APPL1: variants seen among roughly 807,000 people sequenced by gnomAD.
The protein encoded by APPL1 is DCC-interacting protein 13-alpha.
APPL1 carries 42 observed loss-of-function variants against 106.8 expected under a neutral mutation model. That is an observed-to-expected ratio of 0.39 (90% CI 0.31 to 0.51). APPL1 has a LOEUF of 0.51. Ranked by LOEUF, APPL1 falls within the 20% of genes least tolerant of loss-of-function variation. APPL1 has a pLI of 0.75. For synonymous variants in APPL1, 263 were observed against 281.8 expected (o/e 0.93, Z 0.67); for missense variants, 769 against 858.2 (o/e 0.90, Z 1.30).
intron 19 of APPL1, among the ~76,000 whole-genome samples, chr3:57,264,837 G>A (rs1377546634): frequency 6.8e-6 from 1 of 146,300 alleles, no homozygotes; most frequent in African/African-American, 2.5e-5. Flanking sequence ...ATGCTGTTTT[G>A]GTTACTATAG....
chr3:57,267,529 T>C (rs1157431185), intron 19 of APPL1, among the ~76,000 whole-genome samples: 1 of 152,162 alleles, frequency 6.6e-6, no homozygotes, highest in Non-Finnish European at 1.5e-5. Context: ...GTGGGGTATA[T>C]ATGAAGGTGA....
At chr3:57,237,976 A>T (rs1579382636) in intron 3 of APPL1, 69 bp from the exon 4 acceptor site, 2 of 1,208,134 alleles carry the variant, frequency 1.7e-6, no homozygotes, top group Non-Finnish European at 2.4e-6. Flanking sequence ...TAAAAATGTA[A>T]ATTATAGTAA....
chr3:57,247,626 G>T, intron 9 of APPL1, 149 bp downstream of exon 9: 5 of 549,364 alleles, frequency 9.1e-6, no homozygotes, highest in East Asian at 6.4e-5. Flanking sequence ...GTTACTTCTT[G>T]TTTTTTTTTA....
At chr3:57,259,202 T>A in intron 16 of APPL1, 122 bp downstream of exon 16, 1 of 744,688 alleles carries the variant, frequency 1.3e-6, no homozygotes, top group Non-Finnish European at 2.1e-6. Flanking sequence ...ACTTCAGAAT[T>A]TCCTCTACTT....
chr3:57,265,388 G>A (rs1434337325), intron 19 of APPL1, among the ~76,000 whole-genome samples: 1 of 152,128 alleles, frequency 6.6e-6, no homozygotes, highest in Non-Finnish European at 1.5e-5. Flanking sequence ...GGCCTCAAGT[G>A]ATCCACCTGT....
chr3:57,242,748 TCTTG>T, intron 6 of APPL1, 104 bp from the exon 7 acceptor site: 3 of 791,734 alleles, frequency 3.8e-6, no homozygotes, highest in East Asian at 2.7e-5. Flanking sequence ...GGTAGGAAAT[TCTTG>T]CTTTAGTACG....
intron 20 of APPL1, 59 bp from the exon 21 acceptor site, chr3:57,268,339 G>A: frequency 7.0e-7 from 1 of 1,427,016 alleles, no homozygotes; most frequent in Non-Finnish European, 9.5e-7. Flanking sequence ...TAACTGAAAT[G>A]TCTAAAATTT....
In APPL1 at chr3:57,249,532, T is replaced by G; in HGVS notation, c.1036T>G (p.Ser346Ala). 6.3e-7 allele frequency: 1 copy of G among 1,577,548 alleles called. No homozygotes were observed. The highest frequency in any genetic ancestry group is 1.4e-5 in the African/African-American group (1 of 73,308). Residue 346 changes from serine to alanine, a missense_variant, in exon 11 of 22, where the codon TCT (serine) becomes GCT (alanine). By Grantham distance (99) the Ser-to-Ala change is moderately conservative. Transcript: ENST00000288266. The stretch of plus-strand genomic sequence containing the variant: ...CAGACGATATTGTTTTCAGATCACC[T>G]CTTTCGATGGAAAAAAGTTAGTATT... ...EDRRYCFQIT[S>A]FDGKKSSILQ...
Position 57,269,889 on chromosome 3 carries a change from C to G in APPL1, c.*202C>G. The G allele has an allele frequency of 5.7e-6, 3 of 523,564 alleles. No individual in the cohort carries two copies. The highest frequency in any genetic ancestry group is 9.7e-6 in the Non-Finnish European group (3 of 310,130). 32.4% of individuals were successfully genotyped at this position (523,564 alleles called of 1,614,324 possible). A position where few individuals can be genotyped will look rare whatever the true frequency, so the allele number is the denominator to read the frequency against. On this transcript the variant is annotated 3_prime_UTR_variant, in exon 22 of 22. Transcript: ENST00000288266. ...TTTTTTCCCCCTTAAACATAATGTACTATGTATTAACATCTAAAGGAAACC... is the reference window on the plus strand; with the variant it reads ...TTTTTTCCCCCTTAAACATAATGTAGTATGTATTAACATCTAAAGGAAACC...
At chr3:57,244,320 T>C (rs968919521) in intron 7 of APPL1, among the ~76,000 whole-genome samples, 15 of 152,092 alleles carry the variant, frequency 9.9e-5, no homozygotes, top group African/African-American at 3.6e-4. Context: ...TATGCTCAGC[T>C]AATTTTTGTA....
At chr3:57,258,794 G>T (rs2060850363) in intron 15 of APPL1, 1 of 378,652 alleles carries the variant, frequency 2.6e-6, no homozygotes, top group Non-Finnish European at 4.7e-6. Flanking sequence ...TGTTGTGTAT[G>T]TCTAAACTTC....
rs377335362 is a variant in APPL1, at chr3:57,269,703, A to C, written c.*16A>C. ...AGAAGCATAAGCTTATACTTTTGGT[A>C]GATATTCCCCCTTGGAATTTGACAG... On this transcript the variant is annotated 3_prime_UTR_variant, in exon 22 of 22. Coordinates refer to ENST00000288266, the MANE Select transcript of APPL1 (RefSeq NM_012096.3). 2 of 1,612,886 alleles carry C rather than the reference A, an allele frequency of 1.2e-6. No homozygotes were observed. The highest frequency in any genetic ancestry group is 1.3e-5 in the African/African-American group (1 of 75,048).
At chr3:57,266,029 A>G (rs2060892974) in intron 19 of APPL1, among the ~76,000 whole-genome samples, 1 of 152,362 alleles carries the variant, frequency 6.6e-6, no homozygotes, top group African/African-American at 2.4e-5. Context: ...CTATCTTTGC[A>G]TTCCTGGGAT....
chr3:57,258,541 T>G (rs1187999724), intron 15 of APPL1, among the ~76,000 whole-genome samples: 2 of 152,246 alleles, frequency 1.3e-5, no homozygotes, highest in African/African-American at 4.8e-5. Context: ...GGAAGGTAGC[T>G]TCCATCTCCA....
chr3:57,238,884 C>G (rs1300863717), intron 4 of APPL1, among the ~76,000 whole-genome samples: 1 of 152,118 alleles, frequency 6.6e-6, no homozygotes, highest in African/African-American at 2.4e-5. Context: ...AGGACATTTT[C>G]ATCATCTCAA....
chr3:57,247,328 G>A (rs959123856), intron 8 of APPL1, 67 bp from the exon 9 acceptor site: 4 of 863,580 alleles, frequency 4.6e-6, no homozygotes, highest in Non-Finnish European at 7.5e-6. Context: ...TTGTTTATAT[G>A]ATTTACTTTA....
chr3:57,229,827 C>G (rs2060677099), intron 1 of APPL1, among the ~76,000 whole-genome samples: 1 of 150,798 alleles, frequency 6.6e-6, no homozygotes, highest in Non-Finnish European at 1.5e-5. Context: ...GATTCTCATG[C>G]CTCAGCCTCC....
chr3:57,246,168 G>C lies in APPL1; in HGVS notation c.567G>C (p.Gln189His). ...ATTTTTGTGCATTAAATACTCTTCA[G>C]TACAAGAAGAAAATAGCATTGTTAG... ...MHYFCALNTL[Q>H]YKKKIALLEP... The change falls in exon 8 of 22, where the codon CAG (glutamine) becomes CAC (histidine). Residue 189 changes from glutamine (Q) to histidine (H), a missense_variant. Gln to His is a conservative substitution (Grantham distance 24, BLOSUM62 0). Coordinates refer to ENST00000288266, the MANE Select transcript of APPL1 (RefSeq NM_012096.3). 5 of 1,611,120 alleles carry C rather than the reference G, an allele frequency of 3.1e-6. No homozygotes were observed. The highest frequency in any genetic ancestry group is 4.2e-6 in the Non-Finnish European group (5 of 1,178,754).
At chr3:57,262,158 C>T (rs1275445394) in intron 19 of APPL1, among the ~76,000 whole-genome samples, 1 of 151,846 alleles carries the variant, frequency 6.6e-6, no homozygotes, top group Non-Finnish European at 1.5e-5. Context: ...GGATATTAGT[C>T]CCCAGTTGGA....
Sources: gnomAD v4.1 joint callset for allele counts (sites outside exome capture counted in the v4.1 genomes callset) on GRCh38, gnomAD v4.1.1 for gene constraint, MANE v1.5 for transcripts, NCBI Gene and HGNC (gene_info 2026-07-23, HGNC 2026-07-21) for gene names.